Variants in ALOX5 observed in about 807,000 individuals in gnomAD.
ALOX5 encodes the protein polyunsaturated fatty acid 5-lipoxygenase.
A neutral mutation model predicts 87.9 loss-of-function variants in ALOX5; 64 were observed. The observed-to-expected ratio is 0.73, with a 90% CI of 0.60 to 0.90. The LOEUF (loss-of-function observed/expected upper bound fraction) is 0.90. Among genes scored for constraint, ALOX5 ranks in the 40% least tolerant of loss-of-function variants. The probability of loss-of-function intolerance (pLI) is 0.00; values close to 1 mark genes in which losing one functional copy is unlikely to be tolerated. For missense variants in ALOX5, 822 were observed against 907.5 expected (o/e 0.91, Z 1.21); for synonymous variants, 388 against 355.1 (o/e 1.09, Z -1.04).
chr10:45,380,077 A>T (rs565355215), intron 1 of ALOX5, among the ~76,000 whole-genome samples: 1 of 152,194 alleles, frequency 6.6e-6, no homozygotes, highest in African/African-American at 2.4e-5. Flanking sequence ...CGAGCCCCTG[A>T]GATGCTGAGA....
Position 45,382,689 on chromosome 10 carries a change from G to T in ALOX5, c.349+8G>T, listed in dbSNP as rs1309815107. On this transcript the variant is annotated splice_region_variant and intron_variant, in intron 2 of 13. Coordinates refer to ENST00000374391, the MANE Select transcript of ALOX5 (RefSeq NM_000698.5). Reference sequence around the variant, plus strand: ...TCCTGAGGGATGGACGCGGTGAGCAGCTCAGGCCCCTTCTGCCCCGGGCTT... The same window carrying T: ...TCCTGAGGGATGGACGCGGTGAGCATCTCAGGCCCCTTCTGCCCCGGGCTT... 1 of 1,609,670 alleles carries T rather than the reference G, an allele frequency of 6.2e-7. No individual in the cohort carries two copies. The highest frequency in any genetic ancestry group is 1.1e-5 in the South Asian group (1 of 90,434).
intron 3 of ALOX5, among the ~76,000 whole-genome samples, chr10:45,404,431 G>A (rs1840805700): frequency 6.6e-6 from 1 of 152,256 alleles, no homozygotes; most frequent in African/African-American, 2.4e-5. Context: ...ATAGCCCACA[G>A]CTTGTGCTCT....
At chr10:45,392,104 C>T (rs1406956214) in intron 2 of ALOX5, among the ~76,000 whole-genome samples, 20 of 151,718 alleles carry the variant, frequency 1.3e-4, no homozygotes, top group South Asian at 2.1e-4. Flanking sequence ...GCCCCCCGCC[C>T]GGCCAGCTGC....
At chr10:45,404,220 G>A (rs545947589) in intron 3 of ALOX5, among the ~76,000 whole-genome samples, 13 of 152,070 alleles carry the variant, frequency 8.5e-5, no homozygotes, top group African/African-American at 1.4e-4. Context: ...CTTTGCTTCC[G>A]TTCAGGAAAC....
intron 2 of ALOX5, among the ~76,000 whole-genome samples, chr10:45,391,690 G>A (rs1840265429): frequency 6.6e-6 from 1 of 151,530 alleles, no homozygotes; most frequent in Non-Finnish European, 1.5e-5. Context: ...ATGAAGTGAG[G>A]AGCGTCTCTG....
At chr10:45,434,069 T>C (rs778997020) in intron 7 of ALOX5, among the ~76,000 whole-genome samples, 1 of 152,238 alleles carries the variant, frequency 6.6e-6, no homozygotes, top group Non-Finnish European at 1.5e-5. Context: ...CAGGGCTAGC[T>C]AGGTGCCTGG....
intron 7 of ALOX5, among the ~76,000 whole-genome samples, chr10:45,433,039 C>A (rs1030519186): frequency 6.6e-6 from 1 of 152,278 alleles, no homozygotes; most frequent in East Asian, 1.9e-4. Flanking sequence ...AAATGGGCAA[C>A]CAGCATATGG....
chr10:45,433,483 T>G (rs879288702), intron 7 of ALOX5, among the ~76,000 whole-genome samples: 6 of 152,188 alleles, frequency 3.9e-5, no homozygotes, highest in Non-Finnish European at 8.8e-5. Flanking sequence ...AGGCATTTAT[T>G]GCGGGGACCA....
In ALOX5 at chr10:45,443,871, G is replaced by A. The variant is rs1304542647; in HGVS notation, c.1674+43G>A. ...CGCTGGGCAGGGCTCCCTTCTCAAG[G>A]CCGCTGCCTCCTCCCCCGCCCCGGT... On this transcript the variant is annotated intron_variant, in intron 12 of 13. Coordinates refer to ENST00000374391, the MANE Select transcript of ALOX5 (RefSeq NM_000698.5). 9 of 1,550,846 alleles carry A rather than the reference G, an allele frequency of 5.8e-6. No homozygotes were observed. In the African/African-American group the frequency reaches 9.6e-5, roughly 17 times the overall value.
intron 3 of ALOX5, among the ~76,000 whole-genome samples, chr10:45,402,701 A>G (rs71494780): frequency 0.014 from 2,139 of 152,348 alleles, 20 homozygotes; most frequent in Admixed American, 0.022. Context: ...CTCCCTCAAG[A>G]TAAGGACACT....
At chr10:45,407,275 C>A (rs148907171) in intron 3 of ALOX5, among the ~76,000 whole-genome samples, 56 of 152,316 alleles carry the variant, frequency 3.7e-4, no homozygotes, top group African/African-American at 1.2e-3. Context: ...CTCCCTCCCC[C>A]ACTTTCTTCC....
At chr10:45,441,321 G>A (rs1199465909) in intron 8 of ALOX5, 23 bp from the exon 9 acceptor site, 3 of 1,610,072 alleles carry the variant, frequency 1.9e-6, no homozygotes, top group Non-Finnish European at 2.5e-6. Flanking sequence ...CCCCTCTGAG[G>A]CCTCCTCCTC....
Position 45,395,841 on chromosome 10 carries a change from T to A in ALOX5, c.350-14T>A. The A allele has an allele frequency of 1.9e-6, 3 of 1,613,544 alleles. No homozygotes were observed. Among genetic ancestry groups the A allele is most frequent in the Non-Finnish European group, 2.5e-6 (3 of 1,179,420 alleles). On this transcript the variant is annotated splice_polypyrimidine_tract_variant and intron_variant, in intron 2 of 13. Transcript: ENST00000374391. ...TCTTCCTCAGGCTCCTCTCATGTTG[T>A]TCTTTCTTTACAGCAAAGTTGGCCC...
chr10:45,443,716 G>A lies in ALOX5; in HGVS notation c.1574-12G>A. 1 of 1,610,046 alleles carries A rather than the reference G, an allele frequency of 6.2e-7. No individual in the cohort carries two copies. Among genetic ancestry groups the A allele is most frequent in the South Asian group, 1.1e-5 (1 of 90,548 alleles). On this transcript the variant is annotated splice_polypyrimidine_tract_variant and intron_variant, in intron 11 of 13. Coordinates refer to ENST00000374391, the MANE Select transcript of ALOX5 (RefSeq NM_000698.5). ...GGGACTGGGCCTCAGCCCGCCGGTG[G>A]TTCCACCCTAGGCTTCCCCAAGTCG...
At chr10:45,374,461 G>A (rs752485216) in intron 1 of ALOX5, 32 bp downstream of exon 1, 1 of 1,500,512 alleles carries the variant, frequency 6.7e-7, no homozygotes, top group East Asian at 2.7e-5. Flanking sequence ...GTGGAGCGCG[G>A]GCTGAGGTGC....
rs968896012 is a variant in ALOX5, at chr10:45,412,231, G to A, written c.472G>A (p.Ala158Thr). 1.2e-6 allele frequency: 2 copies of A among 1,613,988 alleles called. No individual in the cohort carries two copies. The highest frequency in any genetic ancestry group is 1.3e-5 in the African/African-American group (1 of 74,920). The change falls in exon 4 of 14, where the codon GCC becomes ACC. Residue 158 changes from alanine (A) to threonine (T), a missense_variant. Physicochemically the swap from Ala to Thr is moderately conservative, Grantham distance 58. Coordinates refer to ENST00000374391, the MANE Select transcript of ALOX5 (RefSeq NM_000698.5). ...WNPGFPLSID[A>T]KCHKDLPRDI... ...CCCTGGCTTCCCCTTGAGCATCGAT[G>A]CCAAATGCCACAAGGATTTACCCCG...
intron 4 of ALOX5, among the ~76,000 whole-genome samples, chr10:45,415,765 G>C (rs1841266130): frequency 6.6e-6 from 1 of 152,170 alleles, no homozygotes; most frequent in Non-Finnish European, 1.5e-5. Flanking sequence ...GAGCAGGTAG[G>C]GGAATAGTCA....
At chr10:45,396,841 A>T (rs542157854) in intron 3 of ALOX5, among the ~76,000 whole-genome samples, 22 of 152,372 alleles carry the variant, frequency 1.4e-4, no homozygotes, top group African/African-American at 4.8e-4. Flanking sequence ...ACCCAGAAGT[A>T]TATAAAAGGC....
At chr10:45,440,166 C>T (rs1006398476) in intron 7 of ALOX5, among the ~76,000 whole-genome samples, 1 of 152,144 alleles carries the variant, frequency 6.6e-6, no homozygotes, top group Non-Finnish European at 1.5e-5. Flanking sequence ...GTGAGCCGAG[C>T]GATCACTGTC....
Sources: allele counts gnomAD v4.1 joint callset (sites outside exome capture counted in the v4.1 genomes callset), GRCh38; gene constraint gnomAD v4.1.1; transcripts MANE v1.5; gene names NCBI Gene and HGNC (gene_info 2026-07-23, HGNC 2026-07-21).